Variants in SEC16A observed in about 807,000 individuals in gnomAD.
SEC16A encodes the protein SEC16 homolog A, endoplasmic reticulum export factor.
SEC16A carries 110 observed loss-of-function variants against 221.9 expected under a neutral mutation model. The ratio of observed to expected loss-of-function variants is 0.50; its 90% CI spans 0.42 to 0.58. The LOEUF (loss-of-function observed/expected upper bound fraction) is 0.58. Ranked by LOEUF, SEC16A falls within the 20% of genes least tolerant of loss-of-function variation. The pLI is 0.00. For missense variants in SEC16A, 3,165 were observed against 3,097.8 expected (o/e 1.02, Z -0.52); for synonymous variants, 1,393 against 1,257.7 (o/e 1.11, Z -2.28).
At position 136,471,979 on chromosome 9, in the gene SEC16A, G is replaced by A. The variant is rs751680877; in HGVS notation, c.3700C>T (p.Pro1234Ser). ...RASHSSERPP[P>S]RQGYPEGYYS... ...CCAGGGTGGGCGCGGCCGCACCTGG[G>A]AGGTGGCCGTTCCGAGGAGTGGCTG... The change falls in exon 4 of 32, where the codon CCC (proline) becomes TCC (serine). Residue 1234 changes from proline to serine, a missense_variant. Coordinates refer to ENST00000684901, the MANE Select transcript of SEC16A (RefSeq NM_014866.2). 2 of 1,611,840 alleles carry A rather than the reference G, an allele frequency of 1.2e-6. No individual in the cohort carries two copies. Among genetic ancestry groups the A allele is most frequent in the Admixed American group, 1.7e-5 (1 of 60,020 alleles).
At chr9:136,463,421 G>C (rs1279048482) in intron 11 of SEC16A, 42 bp downstream of exon 11, 4 of 1,600,112 alleles carry the variant, frequency 2.5e-6, no homozygotes, top group South Asian at 2.2e-5. Context: ...ACGAAATGAA[G>C]ACCAGCAAGA....
chr9:136,458,130 A>ATT (rs1222002410), intron 17 of SEC16A, among the ~76,000 whole-genome samples: 19 of 116,220 alleles, frequency 1.6e-4, no homozygotes, highest in Non-Finnish European at 2.0e-4. Flanking sequence ...TAATTTTTGT[A>ATT]TTTTTTTTTT....
Position 136,474,904 on chromosome 9 carries a change from T to C in SEC16A, c.2712A>G (p.Gln904=), listed in dbSNP as rs369488789. The change falls in exon 3 of 32, where the codon CAA becomes CAG. Residue 904 remains glutamine (Q), a synonymous_variant. Coordinates refer to ENST00000684901, the MANE Select transcript of SEC16A (RefSeq NM_014866.2). Reference sequence around the variant, plus strand: ...CACCAGAACCTTGTGGAAAATTACTTTGGGCAACACTGCTAGGCAGAGACA... The same window carrying C: ...CACCAGAACCTTGTGGAAAATTACTCTGGGCAACACTGCTAGGCAGAGACA... ...LSLSLPSSVA[Q]SNFPQGSGAS... 66 of 1,613,870 alleles carry C rather than the reference T, an allele frequency of 4.1e-5. No individual in the cohort carries two copies. The highest frequency in any genetic ancestry group is 1.6e-4 in the Middle Eastern group (1 of 6,062).
chr9:136,445,258 G>T, intron 29 of SEC16A, 147 bp from the exon 30 acceptor site: 1 of 717,512 alleles, frequency 1.4e-6, no homozygotes, highest in Non-Finnish European at 2.4e-6. Context: ...GCCAGTGTTA[G>T]CTTAAGATTC....
intron 1 of SEC16A, among the ~76,000 whole-genome samples, chr9:136,482,471 T>C (rs1050643642): frequency 1.3e-5 from 2 of 152,154 alleles, no homozygotes; most frequent in Non-Finnish European, 2.9e-5. Flanking sequence ...CCTCTAACCC[T>C]CGGCCTCTGT....
upstream of SEC16A, chr9:136,483,830 C>G (rs1292945268): frequency 3.1e-6 from 3 of 983,186 alleles, no homozygotes; most frequent in African/African-American, 5.2e-5. Context: ...GCGGCCGGAG[C>G]TGCGGGACGC....
intron 13 of SEC16A, 128 bp downstream of exon 13, chr9:136,461,049 C>A (rs1428955356): frequency 1.4e-6 from 1 of 717,780 alleles, no homozygotes; most frequent in East Asian, 2.7e-5. Flanking sequence ...CAAGGAAGCC[C>A]GAGTTCGTGT....
At chr9:136,472,265 G>A (rs1265862250) in intron 3 of SEC16A, among the ~76,000 whole-genome samples, 154 bp from the exon 4 acceptor site, 1 of 152,226 alleles carries the variant, frequency 6.6e-6, no homozygotes, top group East Asian at 1.9e-4. Flanking sequence ...TAGAAACATC[G>A]CAGATGGCTG....
At position 136,441,313 on chromosome 9, in the gene SEC16A, G is replaced by A. The variant is rs143413556; in HGVS notation, c.*442C>T. 93 of 197,474 alleles carry A rather than the reference G, an allele frequency of 4.7e-4. No individual in the cohort carries two copies. The highest frequency in any genetic ancestry group is 2.0e-3 in the African/African-American group (88 of 43,700). The allele number at this position is 197,474 out of a possible 1,614,324, so 12.2% of individuals were successfully genotyped here. Reference sequence around the variant, plus strand: ...GGTCTGCCTCAGTCACCCTCTCTTTGCTCCCAGCACCTTAAAGGAAGCGCG... The same window carrying A: ...GGTCTGCCTCAGTCACCCTCTCTTTACTCCCAGCACCTTAAAGGAAGCGCG... On this transcript the variant is annotated 3_prime_UTR_variant, in exon 32 of 32. Transcript: ENST00000684901.
In SEC16A at chr9:136,474,339, C is replaced by G. The variant is rs769349554; in HGVS notation, c.3277G>C (p.Ala1093Pro). 1 of 1,612,286 alleles carries G rather than the reference C, an allele frequency of 6.2e-7. No individual in the cohort carries two copies. Among genetic ancestry groups the G allele is most frequent in the South Asian group, 1.1e-5 (1 of 90,966 alleles). The change falls in exon 3 of 32, where the codon GCC becomes CCC. Residue 1093 changes from alanine to proline, a missense_variant. Coordinates refer to ENST00000684901, the MANE Select transcript of SEC16A (RefSeq NM_014866.2). ...NPESLPAQGQ[A>P]QNSAQSPASL... is the part of the protein sequence containing the mutation. The stretch of plus-strand genomic sequence containing the variant: ...GCTGGTGACTGTGCTGAGTTCTGGG[C>G]CTGTCCCTGTGCGGGCAGACTTTCT...
At position 136,443,744 on chromosome 9, in the gene SEC16A, A is replaced by G. The variant is rs184576612; in HGVS notation, c.7005+79T>C. On this transcript the variant is annotated intron_variant, in intron 31 of 31. Transcript: ENST00000684901. The stretch of plus-strand genomic sequence containing the variant: ...AAGAAAAAGAGGATCTAGGGCAGAA[A>G]GCTGCCATCACTGAGCAGCAGGGTC... The G allele has an allele frequency of 8.4e-5, 79 of 938,478 alleles. 1 individual carries two copies. In the Admixed American group the frequency reaches 1.1e-3, roughly 13 times the overall value. 58.1% of individuals were successfully genotyped at this position (938,478 alleles called of 1,614,324 possible).
In SEC16A at chr9:136,475,585, C is replaced by A; in HGVS notation, c.2031G>T (p.Leu677=). ...ETLCAPQVCP[L]PLNSTTEAVH... ...CAGCTTCCGTGGTGGAGTTAAGAGG[C>A]AGGGGACAGACCTGGGGTGCACAGA... Residue 677 remains leucine, a synonymous_variant, in exon 3 of 32, where the codon CTG becomes CTT. Transcript: ENST00000684901. This position sits in a 1 kb window ranked among gnomAD's most constrained non-coding sequence, Gnocchi z 5.0. 1.2e-6 allele frequency: 2 copies of A among 1,613,508 alleles called. No homozygotes were observed. Among genetic ancestry groups the A allele is most frequent in the Non-Finnish European group, 1.7e-6 (2 of 1,179,782 alleles).
rs1352884835 is a variant in SEC16A, at chr9:136,470,137, C to T, written c.3705-1625G>A. On this transcript the variant is annotated intron_variant, in intron 4 of 31. Coordinates refer to ENST00000684901, the MANE Select transcript of SEC16A (RefSeq NM_014866.2). ...ACGGAGGCTGAACAAACATGCAAGA[C>T]GTGTGCTCCCCAACCAAAGCGGGGG... 5.3e-5 allele frequency among the ~76,000 whole-genome samples: 8 copies of T among 152,336 alleles called. No homozygotes were observed. In the East Asian group the frequency reaches 7.7e-4, roughly 15 times the overall value.
intron 1 of SEC16A, among the ~76,000 whole-genome samples, chr9:136,479,676 T>A (rs1174029767): frequency 6.6e-6 from 1 of 152,112 alleles, no homozygotes; most frequent in Non-Finnish European, 1.5e-5. Flanking sequence ...TGCAGATGTA[T>A]ATTATTTTGG....
chr9:136,458,485 G>A (rs1034633313), intron 17 of SEC16A, among the ~76,000 whole-genome samples: 2 of 151,944 alleles, frequency 1.3e-5, no homozygotes, highest in Non-Finnish European at 2.9e-5. Flanking sequence ...AAAATTAGCC[G>A]GGCGTGGTCG....
At chr9:136,472,491 A>G (rs895530186) in intron 3 of SEC16A, among the ~76,000 whole-genome samples, 29 of 152,320 alleles carry the variant, frequency 1.9e-4, no homozygotes, top group African/African-American at 5.3e-4. Context: ...CTGCTTCCTG[A>G]TAAGTCCAGT....
upstream of SEC16A, chr9:136,484,630 A>G (rs1273112584): frequency 7.3e-7 from 1 of 1,364,656 alleles, no homozygotes; most frequent in Non-Finnish European, 9.8e-7. Context: ...CCTTGTCCCC[A>G]GCTGGGCCGG....
At chr9:136,483,557 C>A, upstream of SEC16A, 1 of 985,234 alleles carries the variant, frequency 1.0e-6, no homozygotes, top group Non-Finnish European at 1.2e-6. Flanking sequence ...GCGCCGGGGC[C>A]GTCCCAGTAC....
intron 1 of SEC16A, among the ~76,000 whole-genome samples, chr9:136,482,185 G>A (rs1329782030): frequency 6.6e-6 from 1 of 152,200 alleles, no homozygotes; most frequent in Non-Finnish European, 1.5e-5. Context: ...CAGGGAGGCT[G>A]CATTGTGCTG....
Sources: allele counts gnomAD v4.1 joint callset (sites outside exome capture counted in the v4.1 genomes callset), GRCh38; gene constraint gnomAD v4.1.1; non-coding constraint Gnocchi (gnomAD v3.1); transcripts MANE v1.5; gene names NCBI Gene and HGNC (gene_info 2026-07-23, HGNC 2026-07-21).